Variants in ELP3 observed in about 807,000 individuals in gnomAD.
The protein encoded by ELP3 is elongator complex protein 3.
In ELP3, 56 loss-of-function variants were observed where a neutral mutation model predicts 74.9. The ratio of observed to expected loss-of-function variants is 0.75; its 90% confidence interval spans 0.60 to 0.93. The LOEUF is 0.93. Among genes scored for constraint, ELP3 ranks in the 40% least tolerant of loss-of-function variants. The pLI is 0.00. For missense variants in ELP3, 573 were observed against 686.5 expected, an observed-to-expected ratio of 0.83 and a Z score of 1.85; for synonymous variants, 222 against 239.8, an observed-to-expected ratio of 0.93 and a Z score of 0.68.
intron 2 of ELP3, 142 bp downstream of exon 2, chr8:28,097,460 C>CTTTT: frequency 2.3e-6 from 1 of 443,962 alleles, no homozygotes; most frequent in Non-Finnish European, 4.0e-6. Flanking sequence ...TCATTCATTT[C>CTTTT]TTTTTTTTTT....
At chr8:28,101,680 C>T (rs1811495856) in intron 3 of ELP3, among the ~76,000 whole-genome samples, 1 of 151,594 alleles carries the variant, frequency 6.6e-6, no homozygotes, top group Admixed American at 6.6e-5. Context: ...ACTTCTGCCT[C>T]CCAGGTTCAA....
intron 14 of ELP3, among the ~76,000 whole-genome samples, chr8:28,174,557 CT>C (rs1487882578): frequency 1.3e-5 from 2 of 152,220 alleles, no homozygotes; most frequent in Admixed American, 1.3e-4. Flanking sequence ...GTCCCTCCCC[CT>C]CTGTATTGTT....
At chr8:28,178,895 C>T (rs535386209) in intron 14 of ELP3, among the ~76,000 whole-genome samples, 125 of 152,144 alleles carry the variant, frequency 8.2e-4, no homozygotes, top group Non-Finnish European at 1.7e-3. Context: ...ATTTGGAGAT[C>T]CTCTTTCTGA....
At chr8:28,126,766 G>A (rs1040646054) in intron 7 of ELP3, among the ~76,000 whole-genome samples, 3 of 152,134 alleles carry the variant, frequency 2.0e-5, no homozygotes, top group South Asian at 4.1e-4. Context: ...GCCTGTATGC[G>A]CATATTTGCA....
At chr8:28,103,918 A>T (rs1355508033) in intron 3 of ELP3, among the ~76,000 whole-genome samples, 1 of 152,126 alleles carries the variant, frequency 6.6e-6, no homozygotes, top group Admixed American at 6.5e-5. Context: ...TTGTAGAGAC[A>T]GGGTTTCACC....
At chr8:28,090,295 G>T, upstream of ELP3, 1 of 408,862 alleles carries the variant, frequency 2.4e-6, no homozygotes. Flanking sequence ...AGCCCAGGCT[G>T]TTGCTTCCTG....
chr8:28,180,030 G>A (rs1182615164), intron 14 of ELP3, among the ~76,000 whole-genome samples: 3 of 152,144 alleles, frequency 2.0e-5, no homozygotes, highest in South Asian at 2.1e-4. Flanking sequence ...GGCTACTTCT[G>A]TGGTTTTTTA....
At chr8:28,092,675 CA>C (rs28372807), upstream of ELP3, among the ~76,000 whole-genome samples, 20,248 of 152,154 alleles carry the variant, frequency 0.13, 1,509 homozygotes, top group East Asian at 0.31. Flanking sequence ...CACCTGGTCC[CA>C]AAGCCTGCAC....
intron 10 of ELP3, among the ~76,000 whole-genome samples, chr8:28,149,820 C>G (rs1813573374): frequency 6.6e-6 from 1 of 152,194 alleles, no homozygotes; most frequent in South Asian, 2.1e-4. Context: ...CCTCTAAGCA[C>G]TGCTTTTGCT....
At chr8:28,091,297 T>G (rs556783081), upstream of ELP3, among the ~76,000 whole-genome samples, 1 of 152,286 alleles carries the variant, frequency 6.6e-6, no homozygotes, top group African/African-American at 2.4e-5. Context: ...TAGCAGCTCC[T>G]GAATTCTAAA....
At chr8:28,128,639 A>G (rs1475157993) in intron 7 of ELP3, among the ~76,000 whole-genome samples, 1 of 152,202 alleles carries the variant, frequency 6.6e-6, no homozygotes, top group Non-Finnish European at 1.5e-5. Context: ...GCCCTTGAAC[A>G]TGCTGTTTAC....
chr8:28,167,214 A>T lies in ELP3; in HGVS notation c.1567+5136A>T, dbSNP rs190684710. On this transcript the variant is annotated intron_variant, in intron 14 of 14. Transcript: ENST00000256398. ...ATCCTTAATCATGATGGTCTTAGTT[A>T]TATGACCCTAAAACTACATCACAGT... Among the ~76,000 whole-genome samples, 59 of 152,348 alleles carry T rather than the reference A, an allele frequency of 3.9e-4. 1 individual carries two copies.
At position 28,162,494 on chromosome 8, in the gene ELP3, A is replaced by G. The variant is rs549454237; in HGVS notation, c.1567+416A>G. Among the ~76,000 whole-genome samples, 198 of 152,328 alleles carry G rather than the reference A, an allele frequency of 1.3e-3. 2 individuals carry two copies. The South Asian group carries it at 0.026, about 20-fold the overall frequency. On this transcript the variant is annotated intron_variant, in intron 14 of 14. Transcript: ENST00000256398. ...CCTCAGTTGCCAGTACGAGCTGTTT[A>G]AAGGCCAAATTCTTGCTCTTTCAAT...
intron 3 of ELP3, among the ~76,000 whole-genome samples, 160 bp from the exon 4 acceptor site, chr8:28,106,553 A>G (rs1175244389): frequency 5.2e-5 from 2 of 38,178 alleles, no homozygotes; most frequent in Non-Finnish European, 9.8e-5. Flanking sequence ...AAAAAAAAAA[A>G]AAAAAAAAAA....
chr8:28,114,694 CA>C (rs1812055174), intron 7 of ELP3, among the ~76,000 whole-genome samples: 1 of 152,186 alleles, frequency 6.6e-6, no homozygotes, highest in Admixed American at 6.5e-5. Context: ...GTGGAGGGGA[CA>C]AACACCCAAA....
chr8:28,109,314 CT>C (rs1181989368), intron 5 of ELP3, among the ~76,000 whole-genome samples: 3 of 152,142 alleles, frequency 2.0e-5, no homozygotes, highest in African/African-American at 7.2e-5. Context: ...AAGCTTGTGA[CT>C]TTTTTCTCAT....
chr8:28,097,326 G>T lies in ELP3; in HGVS notation c.119+8G>T. On this transcript the variant is annotated splice_region_variant and intron_variant, in intron 2 of 14. Transcript: ENST00000256398. ...AGACATCGATCTAAATAAGTAAGTGGATATAAAGAGAGAGCAAGCTTGTTC... is the reference window on the plus strand; with the variant it reads ...AGACATCGATCTAAATAAGTAAGTGTATATAAAGAGAGAGCAAGCTTGTTC... 4.4e-6 allele frequency: 7 copies of T among 1,589,960 alleles called. No individual in the cohort carries two copies. The highest frequency in any genetic ancestry group is 6.0e-6 in the Non-Finnish European group (7 of 1,159,580).
At chr8:28,122,801 T>G (rs1812424421) in intron 7 of ELP3, among the ~76,000 whole-genome samples, 1 of 152,206 alleles carries the variant, frequency 6.6e-6, no homozygotes, top group Admixed American at 6.5e-5. Context: ...TTCCGTTTAA[T>G]TGCTCTTCTT....
intron 14 of ELP3, among the ~76,000 whole-genome samples, chr8:28,170,862 C>T (rs1295414769): frequency 6.6e-6 from 1 of 152,166 alleles, no homozygotes; most frequent in African/African-American, 2.4e-5. Flanking sequence ...AAACTGTGAA[C>T]CCATTAAGCA....
Sources: allele counts gnomAD v4.1 joint callset (sites outside exome capture counted in the v4.1 genomes callset), GRCh38; gene constraint gnomAD v4.1.1; transcripts MANE v1.5; gene names NCBI Gene and HGNC (gene_info 2026-07-23, HGNC 2026-07-21).